The following SCRG1 variants were observed in gnomAD, a reference collection of about 807,000 sequenced individuals.
SCRG1 encodes the protein stimulator of chondrogenesis 1.
A neutral mutation model predicts 7.7 loss-of-function variants in SCRG1; 3 were observed. The ratio of observed to expected loss-of-function variants is 0.39; its 90% CI spans 0.18 to 1.01. The LOEUF (loss-of-function observed/expected upper bound fraction) is 1.01. Among genes scored for constraint, SCRG1 ranks in the 50% least tolerant of loss-of-function variants. SCRG1 has a pLI of 0.36. For synonymous variants in SCRG1, 46 were observed against 41.2 expected (o/e 1.12, Z -0.44); for missense variants, 110 against 117.2 (o/e 0.94, Z 0.28).
chr4:173,508,513 C>CCTA, the SCRG1 span, among the ~76,000 whole-genome samples: 34 of 152,252 alleles, frequency 2.2e-4, no homozygotes, highest in South Asian at 6.9e-3. The surrounding 1 kb of genome is among the most constrained non-coding windows in gnomAD (Gnocchi z 4.4). Flanking sequence ...CTCTGCAGTC[C>CCTA]GTCGCAGGAC....
intron 2 of SCRG1, among the ~76,000 whole-genome samples, chr4:173,390,133 T>A (rs1040729180): frequency 2.6e-5 from 4 of 152,178 alleles, no homozygotes; most frequent in African/African-American, 9.7e-5. Flanking sequence ...AACCTCCTCC[T>A]CCTGGGTTCA....
At chr4:173,404,646 G>A (rs965902114) in intron 1 of SCRG1, among the ~76,000 whole-genome samples, 1 of 152,172 alleles carries the variant, frequency 6.6e-6, no homozygotes, top group African/African-American at 2.4e-5. Context: ...TGTGTCTGCT[G>A]TGTACCATGA....
chr4:173,419,639 C>G, the SCRG1 span: 1 of 733,174 alleles, frequency 1.4e-6, no homozygotes, highest in Non-Finnish European at 2.5e-6. Flanking sequence ...ACCAAGGAAT[C>G]GTTTGCTACT....
chr4:173,450,039 G>C, the SCRG1 span, among the ~76,000 whole-genome samples: 1 of 152,162 alleles, frequency 6.6e-6, no homozygotes, highest in Non-Finnish European at 1.5e-5. Context: ...CTAAAACTGG[G>C]TGATTTATAA....
chr4:173,444,987 A>G, the SCRG1 span, among the ~76,000 whole-genome samples: 1 of 152,182 alleles, frequency 6.6e-6, no homozygotes, highest in African/African-American at 2.4e-5. Context: ...CTGAAAGAAG[A>G]TGTTAAAATG....
chr4:173,506,816 A>G, the SCRG1 span, among the ~76,000 whole-genome samples: 1 of 152,196 alleles, frequency 6.6e-6, no homozygotes, highest in Non-Finnish European at 1.5e-5. The surrounding 1 kb of genome is among the most constrained non-coding windows in gnomAD (Gnocchi z 5.3). Flanking sequence ...TGTCTAGTCC[A>G]GTCCAGGGTA....
chr4:173,433,593 G>A, the SCRG1 span, among the ~76,000 whole-genome samples: 2 of 152,082 alleles, frequency 1.3e-5, no homozygotes, highest in African/African-American at 4.8e-5. Context: ...TGCCCTATAG[G>A]GACTCTGGAC....
chr4:173,446,388 A>C, the SCRG1 span, among the ~76,000 whole-genome samples: 2 of 151,922 alleles, frequency 1.3e-5, no homozygotes, highest in African/African-American at 4.8e-5. Flanking sequence ...GTATTCTTTG[A>C]TGTCATGCAC....
chr4:173,500,161 G>T, the SCRG1 span, among the ~76,000 whole-genome samples: 1 of 152,168 alleles, frequency 6.6e-6, no homozygotes, highest in South Asian at 2.1e-4. Flanking sequence ...ACACCTTAGC[G>T]CCAAGTTCGG....
the SCRG1 span, among the ~76,000 whole-genome samples, chr4:173,414,788 G>C: frequency 6.6e-6 from 1 of 152,080 alleles, no homozygotes; most frequent in African/African-American, 2.4e-5. Flanking sequence ...TCTCATCCCT[G>C]ACTCTTGTAA....
the SCRG1 span, among the ~76,000 whole-genome samples, chr4:173,438,749 C>G: frequency 6.6e-6 from 1 of 150,574 alleles, no homozygotes; most frequent in Non-Finnish European, 1.5e-5. Context: ...TTTCTTTCAA[C>G]TATTGCTTTT....
upstream of SCRG1, among the ~76,000 whole-genome samples, chr4:173,410,339 T>C (rs1349258398): frequency 6.6e-6 from 1 of 152,218 alleles, no homozygotes; most frequent in Non-Finnish European, 1.5e-5. Flanking sequence ...TGGGCGTCCA[T>C]ATGCACAGTG....
At chr4:173,481,470 C>T in the SCRG1 span, among the ~76,000 whole-genome samples, 1 of 152,168 alleles carries the variant, frequency 6.6e-6, no homozygotes, top group Non-Finnish European at 1.5e-5. Context: ...ATTTACTCCT[C>T]ACATCTACAA....
the SCRG1 span, among the ~76,000 whole-genome samples, chr4:173,516,812 G>A: frequency 6.6e-6 from 1 of 152,216 alleles, no homozygotes; most frequent in East Asian, 1.9e-4. Flanking sequence ...CTCCACCGCG[G>A]CGCCGAGGGG....
chr4:173,474,268 T>A, the SCRG1 span, among the ~76,000 whole-genome samples: 1 of 152,222 alleles, frequency 6.6e-6, no homozygotes, highest in Non-Finnish European at 1.5e-5. Context: ...GGAGGTAGCA[T>A]AATAGCCAAT....
the SCRG1 span, among the ~76,000 whole-genome samples, chr4:173,487,677 A>C: frequency 9.5e-4 from 145 of 152,258 alleles, 3 homozygotes; most frequent in South Asian, 0.016. Context: ...ATTTTTTAAA[A>C]TTCCCTCTCA....
the SCRG1 span, among the ~76,000 whole-genome samples, chr4:173,492,731 A>C: frequency 6.6e-6 from 1 of 152,200 alleles, no homozygotes; most frequent in Non-Finnish European, 1.5e-5. Context: ...TGTCTCCCAG[A>C]GCCCTCTCGT....
the SCRG1 span, among the ~76,000 whole-genome samples, chr4:173,462,761 A>T: frequency 6.6e-6 from 1 of 152,234 alleles, no homozygotes; most frequent in Admixed American, 6.5e-5. Flanking sequence ...TTTTCAAGAC[A>T]TAGTACAATA....
At chr4:173,484,429 TTATATACA>T in the SCRG1 span, among the ~76,000 whole-genome samples, 13 of 67,632 alleles carry the variant, frequency 1.9e-4, no homozygotes, top group African/African-American at 3.3e-4. Context: ...ATATTATATA[TTATATACA>T]TATGATATAT....
Sources: gnomAD v4.1 joint callset for allele counts (sites outside exome capture counted in the v4.1 genomes callset) on GRCh38, gnomAD v4.1.1 for gene constraint, Gnocchi (gnomAD v3.1) non-coding constraint, MANE v1.5 for transcripts, NCBI Gene and HGNC (gene_info 2026-07-23, HGNC 2026-07-21) for gene names.